SPAST: variants seen among roughly 807,000 people sequenced by gnomAD.
The protein encoded by SPAST is spastic paraplegia 4 (autosomal dominant; spastin).
A neutral mutation model predicts 76.6 loss-of-function variants in SPAST; 30 were observed. The ratio of observed to expected loss-of-function variants is 0.39; its 90% CI spans 0.29 to 0.53. The LOEUF is 0.53. Ranked by LOEUF, SPAST falls within the 20% of genes least tolerant of loss-of-function variation. The probability of loss-of-function intolerance (pLI) is 0.68; values close to 1 mark genes in which losing one functional copy is unlikely to be tolerated. For synonymous variants in SPAST, 305 were observed against 281.0 expected (o/e 1.09, Z -0.86); for missense variants, 717 against 770.5 (o/e 0.93, Z 0.82).
At chr2:32,075,442 AAAAATT>A (rs1403460140) in intron 1 of SPAST, among the ~76,000 whole-genome samples, 1 of 149,408 alleles carries the variant, frequency 6.7e-6, no homozygotes, top group African/African-American at 2.4e-5. Flanking sequence ...AAAAAAAAAA[AAAAATT>A]AAAACAAAAA....
At chr2:32,069,781 G>A (rs1275135643) in intron 1 of SPAST, among the ~76,000 whole-genome samples, 2 of 151,840 alleles carry the variant, frequency 1.3e-5, no homozygotes, top group African/African-American at 2.4e-5. Context: ...GTACGGTCTC[G>A]ATCTCCTGTC....
intron 4 of SPAST, among the ~76,000 whole-genome samples, chr2:32,107,721 C>T (rs1678379582): frequency 6.6e-6 from 1 of 152,132 alleles, no homozygotes; most frequent in African/African-American, 2.4e-5. Context: ...AAGCATTTCG[C>T]ATAAGGGATA....
At chr2:32,136,790 A>ATAT in intron 10 of SPAST, 87 bp from the exon 11 acceptor site, 1 of 1,237,166 alleles carries the variant, frequency 8.1e-7, no homozygotes, top group Non-Finnish European at 1.2e-6. Flanking sequence ...AGGACCCACT[A>ATAT]TATTAATAAG....
rs1216496095 is a variant in SPAST, at chr2:32,064,259, C to A, written c.415+13C>A. 1 of 736,354 alleles carries A rather than the reference C, an allele frequency of 1.4e-6. No homozygotes were observed. Among genetic ancestry groups the A allele is most frequent in the Non-Finnish European group, 1.8e-6 (1 of 556,194 alleles). 45.6% of individuals were successfully genotyped at this position (736,354 alleles called of 1,614,324 possible). A position where few individuals can be genotyped will look rare whatever the true frequency, so the allele number is the denominator to read the frequency against. ...GAGGATGAGAAAGGTAACTAGGGGG[C>A]TGGGGGAGGGGGCGGCGGCGCCGGG... On this transcript the variant is annotated intron_variant, in intron 1 of 16. Transcript: ENST00000315285.
intron 4 of SPAST, among the ~76,000 whole-genome samples, chr2:32,104,627 G>A (rs933572449): frequency 3.0e-4 from 46 of 152,272 alleles, no homozygotes; most frequent in Middle Eastern, 3.4e-3. Flanking sequence ...TCCTTCAGGA[G>A]CTCCTGTAAG....
chr2:32,116,264 ATAGTAGTAG>A (rs561829522), intron 7 of SPAST, 52 bp downstream of exon 7: 5 of 1,080,702 alleles, frequency 4.6e-6, no homozygotes, highest in Non-Finnish European at 7.2e-6. Flanking sequence ...TACTGAATCC[ATAGTAGTAG>A]TAGTAGTAAA....
chr2:32,098,709 T>G, intron 3 of SPAST, 87 bp from the exon 4 acceptor site: 1 of 871,768 alleles, frequency 1.1e-6, no homozygotes, highest in Non-Finnish European at 1.9e-6. Context: ...CTTGAGTAAT[T>G]TGTCATTTCA....
At chr2:32,123,585 A>G (rs1028744526) in intron 7 of SPAST, among the ~76,000 whole-genome samples, 9 of 152,244 alleles carry the variant, frequency 5.9e-5, no homozygotes, top group African/African-American at 2.2e-4. Context: ...TTGAAGAAGA[A>G]AAAAGTCAGA....
At chr2:32,098,378 CTT>C (rs1677999894) in intron 3 of SPAST, among the ~76,000 whole-genome samples, 1 of 152,136 alleles carries the variant, frequency 6.6e-6, no homozygotes, top group Non-Finnish European at 1.5e-5. Context: ...AGAAGGATAA[CTT>C]GAGCTCAGGG....
In SPAST at chr2:32,083,133, A is replaced by G. The variant is rs143710466; in HGVS notation, c.416-4359A>G. Among the ~76,000 whole-genome samples, 1,341 of 152,100 alleles carry G rather than the reference A, an allele frequency of 8.8e-3. 23 individuals carry two copies. The highest frequency in any genetic ancestry group is 0.049 in the South Asian group (236 of 4,816). ...ATTACAGGTGCCCGCCACCACAACC[A>G]GCTAATTTTTGTATTTTTAGTAGAG... is the stretch of plus-strand genomic sequence containing the variant. On this transcript the variant is annotated intron_variant, in intron 1 of 16. Coordinates refer to ENST00000315285, the MANE Select transcript of SPAST (RefSeq NM_014946.4).
chr2:32,127,244 A>T, intron 8 of SPAST: 1 of 527,132 alleles, frequency 1.9e-6, no homozygotes. Context: ...CAGCCTCCCA[A>T]GTAGCTGGGA....
intron 1 of SPAST, among the ~76,000 whole-genome samples, chr2:32,079,426 G>A (rs1178509559): frequency 1.3e-5 from 2 of 151,692 alleles, no homozygotes; most frequent in Admixed American, 6.6e-5. Flanking sequence ...TGGGAGAATC[G>A]CTTAAGCCTA....
chr2:32,083,371 T>C (rs935713730), intron 1 of SPAST, among the ~76,000 whole-genome samples: 6 of 152,068 alleles, frequency 3.9e-5, no homozygotes, highest in African/African-American at 1.2e-4. Context: ...ATGTGGTAAA[T>C]ATATGTTTAA....
rs1218527630 is a variant in SPAST, at chr2:32,087,578, G to A, written c.502G>A (p.Gly168Ser). ...AATAGCTGTTATAGTTACAGGACAA[G>A]GTAAGATTGTATTTGTTTATAGCCA... ...KGIAVIVTGQ[G>S]EQCERARRLQ... Residue 168 changes from glycine (G) to serine (S), a missense_variant and splice_region_variant, in exon 2 of 17, where the codon GGT becomes AGT. Transcript: ENST00000315285. The A allele has an allele frequency of 6.4e-7, 1 of 1,553,670 alleles. No individual in the cohort carries two copies. The highest frequency in any genetic ancestry group is 1.1e-5 in the South Asian group (1 of 88,652).
intron 4 of SPAST, 142 bp from the exon 5 acceptor site, chr2:32,114,496 G>A (rs1409628973): frequency 1.4e-6 from 1 of 695,924 alleles, no homozygotes; most frequent in East Asian, 2.7e-5. Flanking sequence ...GAAGATCCTG[G>A]TACATGTTCT....
chr2:32,147,397 A>T, intron 16 of SPAST, 139 bp downstream of exon 16: 3 of 558,106 alleles, frequency 5.4e-6, no homozygotes, highest in Non-Finnish European at 9.0e-6. Flanking sequence ...ATATCGGCTC[A>T]CTGCAACCTC....
chr2:32,126,684 C>G lies in SPAST; in HGVS notation c.1099-264C>G, dbSNP rs530245112. 2.4e-4 allele frequency: 76 copies of G among 310,900 alleles called. 2 individuals are homozygous for G. In the South Asian group the frequency reaches 3.9e-3, roughly 16 times the overall value. The allele number at this position is 310,900 out of a possible 1,614,324, so 19.3% of individuals were successfully genotyped here. A position where few individuals can be genotyped will look rare whatever the true frequency, so the allele number is the denominator to read the frequency against. On this transcript the variant is annotated intron_variant, in intron 7 of 16. Transcript: ENST00000315285. ...TAATTTTTTGTAGAAGCAGAGTTCC[C>G]CTATGTTGCCCAAGCTGGTCTTGAA...
chr2:32,092,250 T>G (rs1373227824), intron 3 of SPAST, among the ~76,000 whole-genome samples: 2 of 152,220 alleles, frequency 1.3e-5, no homozygotes. Flanking sequence ...CTTCTTCCTT[T>G]CTAAATGGAG....
At chr2:32,068,727 T>C (rs1264578062) in intron 1 of SPAST, among the ~76,000 whole-genome samples, 1 of 151,972 alleles carries the variant, frequency 6.6e-6, no homozygotes, top group African/African-American at 2.4e-5. Context: ...CATTTTCCTT[T>C]AAAAATGAAG....
Sources: gnomAD v4.1 joint callset for allele counts (sites outside exome capture counted in the v4.1 genomes callset) on GRCh38, gnomAD v4.1.1 for gene constraint, MANE v1.5 for transcripts, NCBI Gene and HGNC (gene_info 2026-07-23, HGNC 2026-07-21) for gene names.